The following RNF216 variants were observed in gnomAD, a reference collection of about 807,000 sequenced individuals.
RNF216 encodes E3 ubiquitin-protein ligase RNF216.
In RNF216, 72 loss-of-function variants were observed where a neutral mutation model predicts 110.8. The ratio of observed to expected loss-of-function variants is 0.65; its 90% CI spans 0.54 to 0.79. RNF216 has a LOEUF of 0.79. Among genes scored for constraint, RNF216 ranks in the 30% least tolerant of loss-of-function variants. RNF216 has a pLI of 0.00. For synonymous variants in RNF216, 495 were observed against 407.5 expected, an observed-to-expected ratio of 1.21 and a Z score of -2.59; for missense variants, 1,342 against 1,141.2, an observed-to-expected ratio of 1.18 and a Z score of -2.54.
chr7:5,700,061 C>T lies in RNF216; in HGVS notation c.2061+11700G>A, dbSNP rs543851092. ...ATGCCCTAAACACTCCTCTTTGCTA[C>T]TGTTCCCCTTCTCCACATTCCCCGC... On this transcript the variant is annotated intron_variant, in intron 13 of 16. Coordinates refer to ENST00000389902, the MANE Select transcript of RNF216 (RefSeq NM_207111.4). Among the ~76,000 whole-genome samples, 6 of 152,352 alleles carry T rather than the reference C, an allele frequency of 3.9e-5. No individual in the cohort carries two copies. The South Asian group carries it at 1.0e-3, about 26-fold the overall frequency.
rs146188395 is a variant in RNF216, at chr7:5,637,222, C to T, written c.2382+3932G>A. ...CCTGGGAATGTCTGTCACACAGGGG[C>T]ACGGCCTGCCTTGTGAGCACTTCCC... is the stretch of plus-strand genomic sequence containing the variant. On this transcript the variant is annotated intron_variant, in intron 15 of 16. Coordinates refer to ENST00000389902, the MANE Select transcript of RNF216 (RefSeq NM_207111.4). Among the ~76,000 whole-genome samples, 4 of 152,344 alleles carry T rather than the reference C, an allele frequency of 2.6e-5. No homozygotes were observed. The East Asian group carries it at 7.7e-4, about 29-fold the overall frequency.
chr7:5,660,952 T>TGTTTTTTTTTG (rs1445044191), intron 13 of RNF216, among the ~76,000 whole-genome samples: 12 of 144,164 alleles, frequency 8.3e-5, no homozygotes, highest in South Asian at 2.2e-4. Flanking sequence ...GGTTTTTTTT[T>TGTTTTTTTTTG]TTTTTTTTTT....
intron 3 of RNF216, among the ~76,000 whole-genome samples, chr7:5,749,152 T>A (rs1211272204): frequency 2.4e-5 from 3 of 124,332 alleles, no homozygotes; most frequent in Non-Finnish European, 4.6e-5. Flanking sequence ...CCCATGTATT[T>A]TTTTTTTTTT....
intron 6 of RNF216, among the ~76,000 whole-genome samples, chr7:5,729,816 T>C (rs547610873): frequency 2.7e-3 from 410 of 152,316 alleles, no homozygotes; most frequent in Non-Finnish European, 4.6e-3. Context: ...TAAAGAAGTA[T>C]AGTTGGGGAT....
intron 2 of RNF216, among the ~76,000 whole-genome samples, chr7:5,756,982 T>C (rs1030564578): frequency 6.6e-6 from 1 of 152,186 alleles, no homozygotes; most frequent in Admixed American, 6.6e-5. Flanking sequence ...TAAGTTTTCC[T>C]CAAAACATGG....
At chr7:5,666,885 C>T (rs1205407229) in intron 13 of RNF216, among the ~76,000 whole-genome samples, 3 of 149,282 alleles carry the variant, frequency 2.0e-5, no homozygotes, top group Non-Finnish European at 4.4e-5. Flanking sequence ...GTGGTGCCAT[C>T]ATAGCTCACT....
Position 5,681,421 on chromosome 7 carries a change from T to C in RNF216, c.2062-28911A>G, listed in dbSNP as rs150492840. Among the ~76,000 whole-genome samples the C allele has an allele frequency of 9.2e-5, 14 of 152,314 alleles. No homozygotes were observed. In the East Asian group the frequency reaches 1.5e-3, roughly 17 times the overall value. The stretch of plus-strand genomic sequence containing the variant: ...TAGCTACACAGAAACAACTGTGGAT[T>C]ACCAAGTCCCCAGCAGCTTCTAAGC... On this transcript the variant is annotated intron_variant, in intron 13 of 16. Transcript: ENST00000389902.
intron 1 of RNF216, among the ~76,000 whole-genome samples, chr7:5,773,723 C>T (rs554574976): frequency 1.3e-5 from 2 of 151,770 alleles, no homozygotes; most frequent in Admixed American, 1.3e-4. Flanking sequence ...TGCGTGCCAC[C>T]ATGCTGGTTA....
chr7:5,669,064 C>T (rs372046703), intron 13 of RNF216, among the ~76,000 whole-genome samples: 3 of 152,144 alleles, frequency 2.0e-5, no homozygotes, highest in African/African-American at 4.8e-5. Context: ...AGTATTTCAA[C>T]GCAGGCAGGT....
At position 5,764,423 on chromosome 7, in the gene RNF216, G is replaced by A. The variant is rs541627092; in HGVS notation, c.-69-3285C>T. On this transcript the variant is annotated intron_variant, in intron 1 of 16. Transcript: ENST00000389902. The stretch of plus-strand genomic sequence containing the variant: ...AGCACTCTGGGAGGCTGAGGAGAGC[G>A]GATCACTTGAAGTCAGGAGTTCGAG... Among the ~76,000 whole-genome samples the A allele has an allele frequency of 1.6e-4, 24 of 152,120 alleles. No homozygotes were observed. In the South Asian group the frequency reaches 3.5e-3, roughly 22 times the overall value.
chr7:5,674,980 G>C (rs937694321), intron 13 of RNF216, among the ~76,000 whole-genome samples: 1 of 152,038 alleles, frequency 6.6e-6, no homozygotes, highest in Non-Finnish European at 1.5e-5. Flanking sequence ...CTGGGCGACA[G>C]AGAGAGACTC....
At chr7:5,736,830 G>A (rs1201974389) in intron 5 of RNF216, among the ~76,000 whole-genome samples, 5 of 151,504 alleles carry the variant, frequency 3.3e-5, no homozygotes, top group South Asian at 2.1e-4. Context: ...GAAGTGAGGA[G>A]CCCCTCCGCC....
intron 6 of RNF216, 49 bp from the exon 7 acceptor site, chr7:5,729,645 C>A: frequency 6.9e-7 from 1 of 1,450,760 alleles, no homozygotes; most frequent in Non-Finnish European, 9.6e-7. Flanking sequence ...GTACATTTCC[C>A]ATACAGGGGA....
chr7:5,736,266 C>T (rs1017083088), intron 5 of RNF216, among the ~76,000 whole-genome samples: 6 of 152,004 alleles, frequency 3.9e-5, no homozygotes, highest in South Asian at 2.1e-4. Context: ...TGCAGGTGCG[C>T]GCCGCCACGC....
chr7:5,653,512 A>C (rs572097800), intron 13 of RNF216, among the ~76,000 whole-genome samples: 68 of 151,130 alleles, frequency 4.5e-4, no homozygotes, highest in African/African-American at 1.5e-3. Flanking sequence ...GAAGCAGGAG[A>C]AAGGCGTGAA....
At position 5,624,392 on chromosome 7, in the gene RNF216, G is replaced by A. The variant is rs962409155; in HGVS notation, c.2383-267C>T. Among the ~76,000 whole-genome samples the A allele has an allele frequency of 4.6e-5, 7 of 152,228 alleles. No individual in the cohort carries two copies. The highest frequency in any genetic ancestry group is 8.8e-5 in the Non-Finnish European group (6 of 68,040). On this transcript the variant is annotated intron_variant, in intron 15 of 16. Coordinates refer to ENST00000389902, the MANE Select transcript of RNF216 (RefSeq NM_207111.4). The surrounding 1 kb of genome is among the most constrained non-coding windows in gnomAD (Gnocchi z 4.4). Reference sequence around the variant, plus strand: ...TGGCAGGCAGCTGCCTGGTGAGGTGGGGGGATGGAGGGCCTCCATGCACTG... The same window carrying A: ...TGGCAGGCAGCTGCCTGGTGAGGTGAGGGGATGGAGGGCCTCCATGCACTG...
At chr7:5,776,410 C>T (rs1381684758) in intron 1 of RNF216, among the ~76,000 whole-genome samples, 2 of 148,236 alleles carry the variant, frequency 1.3e-5, no homozygotes, top group South Asian at 2.1e-4. Context: ...GGTGAAACCC[C>T]GTCTCTACTT....
chr7:5,750,078 T>G (rs1019428020), intron 3 of RNF216, among the ~76,000 whole-genome samples: 1 of 152,260 alleles, frequency 6.6e-6, no homozygotes, highest in Non-Finnish European at 1.5e-5. Flanking sequence ...ATTCTTATTT[T>G]TATGGCAATA....
chr7:5,776,517 C>T (rs1452094958), intron 1 of RNF216, among the ~76,000 whole-genome samples: 1 of 150,308 alleles, frequency 6.7e-6, no homozygotes. Context: ...ATGGCGAGAA[C>T]CCGGGAGGCG....
Sources: allele counts gnomAD v4.1 joint callset (sites outside exome capture counted in the v4.1 genomes callset), GRCh38; gene constraint gnomAD v4.1.1; non-coding constraint Gnocchi (gnomAD v3.1); transcripts MANE v1.5; gene names NCBI Gene and HGNC (gene_info 2026-07-23, HGNC 2026-07-21).